Variants in FRMD4A observed in about 807,000 individuals in gnomAD.
The protein encoded by FRMD4A is FERM domain-containing protein 4A.
FRMD4A carries 29 observed loss-of-function variants against 129.1 expected under a neutral mutation model. That is an observed-to-expected ratio of 0.22 (90% CI 0.17 to 0.31). The LOEUF (loss-of-function observed/expected upper bound fraction) is 0.31. Ranked by LOEUF, FRMD4A falls within the 10% of genes least tolerant of loss-of-function variation. The pLI is 1.00. For missense variants in FRMD4A, 1,272 were observed against 1,375.8 expected, an observed-to-expected ratio of 0.92 and a Z score of 1.19; for synonymous variants, 634 against 571.6, an observed-to-expected ratio of 1.11 and a Z score of -1.56.
At chr10:13,701,009 C>T (rs2134872252) in intron 14 of FRMD4A, among the ~76,000 whole-genome samples, 1 of 151,914 alleles carries the variant, frequency 6.6e-6, no homozygotes, top group Non-Finnish European at 1.5e-5. Flanking sequence ...GTTTAAACAC[C>T]AAAAAGGGCT....
At chr10:14,145,647 T>A (rs1840038780) in intron 2 of FRMD4A, among the ~76,000 whole-genome samples, 1 of 152,234 alleles carries the variant, frequency 6.6e-6, no homozygotes, top group Non-Finnish European at 1.5e-5. Flanking sequence ...ATATTGACTG[T>A]TACTGGATAT....
At chr10:14,049,231 T>C (rs1439106702) in intron 2 of FRMD4A, among the ~76,000 whole-genome samples, 1 of 139,132 alleles carries the variant, frequency 7.2e-6, no homozygotes, top group Admixed American at 7.0e-5. Flanking sequence ...AAGATGGTAA[T>C]AAACAGAGCA....
intron 15 of FRMD4A, among the ~76,000 whole-genome samples, chr10:13,686,501 A>G (rs2085099044): frequency 2.0e-5 from 3 of 152,232 alleles, no homozygotes; most frequent in African/African-American, 7.2e-5. Flanking sequence ...GGAGTGTGTC[A>G]ACAGCTGAGG....
chr10:13,675,014 G>T lies in FRMD4A; in HGVS notation c.1148C>A (p.Ala383Asp). The T allele has an allele frequency of 1.2e-6, 2 of 1,613,570 alleles. No homozygotes were observed. Among genetic ancestry groups the T allele is most frequent in the Non-Finnish European group, 1.7e-6 (2 of 1,179,932 alleles). ...GSQESDSSQS[A>D]KKDMLAALKS... The stretch of plus-strand genomic sequence containing the variant: ...CAAGGCAGCCAGCATGTCCTTCTTG[G>T]CCGACTGCGAGCTATCTGATTCCTG... The change falls in exon 16 of 25, where the codon GCC becomes GAC. Residue 383 changes from alanine to aspartate, a missense_variant. By Grantham distance (126) the Ala-to-Asp change is moderately radical (BLOSUM62 -2). Coordinates refer to ENST00000357447, the MANE Select transcript of FRMD4A (RefSeq NM_018027.5).
In FRMD4A at chr10:14,089,648, A is replaced by AT. The variant is rs1234655551; in HGVS notation, c.46-230737_46-230736insA. 1.8e-4 allele frequency among the ~76,000 whole-genome samples: 27 copies of AT among 151,854 alleles called. 1 individual carries two copies. Among genetic ancestry groups the AT allele is most frequent in the African/African-American group, 6.3e-4 (26 of 41,424 alleles). ...AAAAAAACAAAAAAAAACAAACAAA[A>AT]AAAAAACAGAAGAAAGAAATAAAAG... On this transcript the variant is annotated intron_variant, in intron 2 of 24. Coordinates refer to ENST00000357447, the MANE Select transcript of FRMD4A (RefSeq NM_018027.5).
At chr10:14,161,013 G>A (rs901909207) in intron 2 of FRMD4A, among the ~76,000 whole-genome samples, 19 of 152,158 alleles carry the variant, frequency 1.2e-4, no homozygotes, top group African/African-American at 4.6e-4. Flanking sequence ...GGAGTGCAGT[G>A]GCACAATCTC....
chr10:14,257,223 C>A (rs778492710), intron 2 of FRMD4A, among the ~76,000 whole-genome samples: 1 of 152,122 alleles, frequency 6.6e-6, no homozygotes, highest in Non-Finnish European at 1.5e-5. Flanking sequence ...CCCAGCTAAC[C>A]AGGAGGCTGA....
At chr10:13,962,555 G>A (rs544263054) in intron 2 of FRMD4A, among the ~76,000 whole-genome samples, 30 of 152,204 alleles carry the variant, frequency 2.0e-4, no homozygotes, top group African/African-American at 7.2e-4. Context: ...CAAGGGAATA[G>A]CAGAGCAATT....
intron 2 of FRMD4A, among the ~76,000 whole-genome samples, chr10:14,236,678 G>T (rs1303486089): frequency 3.3e-5 from 5 of 152,184 alleles, no homozygotes; most frequent in Non-Finnish European, 5.9e-5. Context: ...GGCCCTGCTC[G>T]GGTGTCATAC....
intron 2 of FRMD4A, among the ~76,000 whole-genome samples, chr10:14,173,669 A>G (rs767667561): frequency 2.0e-5 from 3 of 152,136 alleles, no homozygotes; most frequent in Non-Finnish European, 4.4e-5. Context: ...CGATCTGAGA[A>G]ATTGGTACTT....
intron 2 of FRMD4A, among the ~76,000 whole-genome samples, chr10:14,181,769 C>A (rs1841922759): frequency 6.6e-6 from 1 of 152,182 alleles, no homozygotes; most frequent in African/African-American, 2.4e-5. Context: ...CAGCTCACTG[C>A]AACCTCGGCT....
intron 2 of FRMD4A, among the ~76,000 whole-genome samples, chr10:14,246,937 C>G (rs1225850549): frequency 6.6e-6 from 1 of 152,044 alleles, no homozygotes; most frequent in Non-Finnish European, 1.5e-5. Flanking sequence ...AGTGTAGCTG[C>G]GTTGTGTGAA....
chr10:13,660,568 G>C lies in FRMD4A; in HGVS notation c.1661-15C>G. 1 of 1,507,736 alleles carries C rather than the reference G, an allele frequency of 6.6e-7. No individual in the cohort carries two copies. Among genetic ancestry groups the C allele is most frequent in the Non-Finnish European group, 9.2e-7 (1 of 1,092,352 alleles). 93.4% of individuals were successfully genotyped at this position (1,507,736 alleles called of 1,614,324 possible). A position where few individuals can be genotyped will look rare whatever the true frequency, so the allele number is the denominator to read the frequency against. ...CTGAGAGTCTTCTGCACAAAGACAG[G>C]AAGAGAGGAACTGAGCCCCGGTCAT... On this transcript the variant is annotated splice_polypyrimidine_tract_variant and intron_variant, in intron 19 of 24. Transcript: ENST00000357447.
chr10:14,185,433 C>G (rs1032007010), intron 2 of FRMD4A, among the ~76,000 whole-genome samples: 1 of 152,198 alleles, frequency 6.6e-6, no homozygotes, highest in Non-Finnish European at 1.5e-5. Flanking sequence ...AGAGCTAGTA[C>G]AGATGAGGAT....
intron 2 of FRMD4A, among the ~76,000 whole-genome samples, chr10:14,132,535 C>A (rs904585025): frequency 1.3e-5 from 2 of 152,062 alleles, no homozygotes; most frequent in African/African-American, 2.4e-5. Flanking sequence ...CTCTTTGTTC[C>A]CCACGTGTAC....
At chr10:14,162,122 T>G (rs1840922251) in intron 2 of FRMD4A, among the ~76,000 whole-genome samples, 1 of 152,052 alleles carries the variant, frequency 6.6e-6, no homozygotes, top group African/African-American at 2.4e-5. Context: ...TATACATATT[T>G]TTTGTATAAA....
intron 3 of FRMD4A, among the ~76,000 whole-genome samples, chr10:13,838,955 A>C (rs1210741323): frequency 6.6e-6 from 1 of 150,864 alleles, no homozygotes; most frequent in Non-Finnish European, 1.5e-5. Context: ...TGCAATGATT[A>C]ATATGACTTT....
At chr10:14,296,245 G>C (rs942504631) in intron 2 of FRMD4A, among the ~76,000 whole-genome samples, 10 of 152,176 alleles carry the variant, frequency 6.6e-5, no homozygotes, top group African/African-American at 2.4e-4. Flanking sequence ...TAGCCTGGCT[G>C]CTCACAGCCA....
chr10:13,969,712 A>T (rs1284459916), intron 2 of FRMD4A, among the ~76,000 whole-genome samples: 1 of 151,610 alleles, frequency 6.6e-6, no homozygotes, highest in Non-Finnish European at 1.5e-5. Flanking sequence ...AAAATAGCTG[A>T]GCATGGTGAC....
Sources: allele counts gnomAD v4.1 joint callset (sites outside exome capture counted in the v4.1 genomes callset), GRCh38; gene constraint gnomAD v4.1.1; transcripts MANE v1.5; gene names NCBI Gene and HGNC (gene_info 2026-07-23, HGNC 2026-07-21).